The following USP6NL variants were observed in gnomAD, a reference collection of about 807,000 sequenced individuals.
USP6NL encodes USP6 N-terminal like.
Under a neutral mutation model 61.9 loss-of-function variants are expected in USP6NL, and 26 were observed. That is an observed-to-expected ratio of 0.42 (90% CI 0.31 to 0.58). The LOEUF (loss-of-function observed/expected upper bound fraction) is 0.58. USP6NL is among the 20% of genes least tolerant of loss of function. USP6NL has a pLI of 0.16. For missense variants in USP6NL, 1,114 were observed against 1,034.3 expected (o/e 1.08, Z -1.06); for synonymous variants, 432 against 390.1 (o/e 1.11, Z -1.27).
At position 11,595,313 on chromosome 10, in the gene USP6NL, G is replaced by A. The variant is rs1001191122; in HGVS notation, c.4+2318C>T. The stretch of plus-strand genomic sequence containing the variant: ...CCAGGGCAGGACAGAGCAGCAGGAA[G>A]TTTTGTCCTATGGGGAAAACTGTAA... On this transcript the variant is annotated intron_variant, in intron 2 of 14. Transcript: ENST00000609104. This position sits in a 1 kb window ranked among gnomAD's most constrained non-coding sequence, Gnocchi z 5.3. Among the ~76,000 whole-genome samples, 1 of 152,344 alleles carries A rather than the reference G, an allele frequency of 6.6e-6. No individual in the cohort carries two copies. Among genetic ancestry groups the A allele is most frequent in the South Asian group, 2.1e-4 (1 of 4,822 alleles).
chr10:11,469,121 C>T (rs1173691933), intron 14 of USP6NL, among the ~76,000 whole-genome samples: 1 of 152,146 alleles, frequency 6.6e-6, no homozygotes, highest in Non-Finnish European at 1.5e-5. Context: ...ATTGAATGGA[C>T]AAGAGGCCAA....
At chr10:11,584,378 G>A (rs1837895787) in intron 2 of USP6NL, among the ~76,000 whole-genome samples, 1 of 152,154 alleles carries the variant, frequency 6.6e-6, no homozygotes, top group Admixed American at 6.5e-5. Flanking sequence ...TATAAACACA[G>A]ACGTCCCTCT....
At chr10:11,539,023 C>T (rs1206272537) in intron 2 of USP6NL, among the ~76,000 whole-genome samples, 3 of 152,154 alleles carry the variant, frequency 2.0e-5, no homozygotes, top group Admixed American at 6.5e-5. Flanking sequence ...GGAAATGCAG[C>T]GAGGGCAGCG....
chr10:11,611,477 C>T lies in USP6NL; in HGVS notation c.-118G>A. 6.4e-6 allele frequency: 1 copy of T among 156,334 alleles called. No homozygotes were observed. The highest frequency in any genetic ancestry group is 1.8e-4 in the South Asian group (1 of 5,668). 9.7% of individuals were successfully genotyped at this position (156,334 alleles called of 1,614,324 possible). A position where few individuals can be genotyped will look rare whatever the true frequency, so the allele number is the denominator to read the frequency against. Reference sequence around the variant, plus strand: ...GTCCCGACTGCTAGGCTGTGGGCAGCGGACAGAGCTGGCGGTCCCGGGCGG... The same window carrying T: ...GTCCCGACTGCTAGGCTGTGGGCAGTGGACAGAGCTGGCGGTCCCGGGCGG... On this transcript the variant is annotated 5_prime_UTR_variant, in exon 1 of 15. Transcript: ENST00000609104. This position sits in a 1 kb window ranked among gnomAD's most constrained non-coding sequence, Gnocchi z 5.3.
rs1836931941 is a variant in USP6NL, at chr10:11,561,589, T to C, written c.5-34022A>G. Among the ~76,000 whole-genome samples, 1 of 152,260 alleles carries C rather than the reference T, an allele frequency of 6.6e-6. No homozygotes were observed. Among genetic ancestry groups the C allele is most frequent in the Non-Finnish European group, 1.5e-5 (1 of 68,048 alleles). On this transcript the variant is annotated intron_variant, in intron 2 of 14. Coordinates refer to ENST00000609104, the MANE Select transcript of USP6NL (RefSeq NM_014688.5). The surrounding 1 kb of genome is among the most constrained non-coding windows in gnomAD (Gnocchi z 4.1). ...TCTTCTTAATACTATTGTACTTCAC[T>C]ATATGGATTTGCCATAATGCACTAA...
chr10:11,574,180 C>G lies in USP6NL; in HGVS notation c.4+23451G>C, dbSNP rs1054727405. 2.0e-5 allele frequency among the ~76,000 whole-genome samples: 3 copies of G among 152,112 alleles called. No homozygotes were observed. Among genetic ancestry groups the G allele is most frequent in the Non-Finnish European group, 4.4e-5 (3 of 68,010 alleles). On this transcript the variant is annotated intron_variant, in intron 2 of 14. Transcript: ENST00000609104. This position sits in a 1 kb window ranked among gnomAD's most constrained non-coding sequence, Gnocchi z 4.3. ...TACTTTTTTCCAATTTCTCAAAAAC[C>G]TTGTATTTGAAACGGAAAATAAAAT... is the stretch of plus-strand genomic sequence containing the variant.
At position 11,589,987 on chromosome 10, in the gene USP6NL, A is replaced by G. The variant is rs1838108614; in HGVS notation, c.4+7644T>C. ...CAACGGCCATTATCTCTGAACATGA[A>G]TAAGAATAACCCATAGGAGAAGTTT... is the stretch of plus-strand genomic sequence containing the variant. On this transcript the variant is annotated intron_variant, in intron 2 of 14. Transcript: ENST00000609104. This position sits in a 1 kb window ranked among gnomAD's most constrained non-coding sequence, Gnocchi z 4.7. 6.6e-6 allele frequency among the ~76,000 whole-genome samples: 1 copy of G among 152,204 alleles called. No individual in the cohort carries two copies. The highest frequency in any genetic ancestry group is 1.5e-5 in the Non-Finnish European group (1 of 68,038).
At chr10:11,471,753 A>T (rs950127733) in intron 14 of USP6NL, among the ~76,000 whole-genome samples, 6 of 146,940 alleles carry the variant, frequency 4.1e-5, no homozygotes, top group Non-Finnish European at 7.5e-5. Context: ...GCATGTTCTC[A>T]CTCACAGGTG....
chr10:11,608,655 G>T (rs569462771), intron 1 of USP6NL, among the ~76,000 whole-genome samples: 1 of 152,112 alleles, frequency 6.6e-6, no homozygotes, highest in Non-Finnish European at 1.5e-5. Flanking sequence ...ATAGCTCCCT[G>T]TACTTCACAT....
intron 2 of USP6NL, among the ~76,000 whole-genome samples, chr10:11,576,794 C>G (rs1837561932): frequency 6.6e-6 from 1 of 152,172 alleles, no homozygotes; most frequent in Non-Finnish European, 1.5e-5. Context: ...AAAAATCCTC[C>G]CTCTCTGATA....
At chr10:11,605,994 C>A (rs1371851700) in intron 1 of USP6NL, among the ~76,000 whole-genome samples, 1 of 152,064 alleles carries the variant, frequency 6.6e-6, no homozygotes, top group Non-Finnish European at 1.5e-5. Flanking sequence ...TGACGAAAGA[C>A]ATCAAGTCAC....
rs920380774 is a variant in USP6NL, at chr10:11,468,075, T to C, written c.1079-4226A>G. On this transcript the variant is annotated intron_variant, in intron 14 of 14. Coordinates refer to ENST00000609104, the MANE Select transcript of USP6NL (RefSeq NM_014688.5). The surrounding 1 kb of genome is among the most constrained non-coding windows in gnomAD (Gnocchi z 4.5). ...TCAGATTAATCAAGTATGGCATCGC[T>C]TGATGGAGTCATGATGAGTGATCAC... 1.4e-4 allele frequency among the ~76,000 whole-genome samples: 21 copies of C among 152,256 alleles called. No homozygotes were observed. The highest frequency in any genetic ancestry group is 4.8e-4 in the African/African-American group (20 of 41,468).
In USP6NL at chr10:11,591,758, A is replaced by G. The variant is rs1838163670; in HGVS notation, c.4+5873T>C. Among the ~76,000 whole-genome samples the G allele has an allele frequency of 6.6e-6, 1 of 152,220 alleles. No individual in the cohort carries two copies. The highest frequency in any genetic ancestry group is 1.5e-5 in the Non-Finnish European group (1 of 68,040). ...TTTCTTGTTGTAAGTTTGAAAAAAT[A>G]TCAAAAGAAAATATATAAGAAAAGA... On this transcript the variant is annotated intron_variant, in intron 2 of 14. Coordinates refer to ENST00000609104, the MANE Select transcript of USP6NL (RefSeq NM_014688.5). The surrounding 1 kb of genome is among the most constrained non-coding windows in gnomAD (Gnocchi z 4.7).
At chr10:11,502,187 A>T (rs1342153417) in intron 6 of USP6NL, among the ~76,000 whole-genome samples, 2 of 150,860 alleles carry the variant, frequency 1.3e-5, no homozygotes, top group Non-Finnish European at 2.9e-5. Flanking sequence ...TGAACCCGGG[A>T]GGCAGAGCTT....
chr10:11,596,522 G>A lies in USP6NL; in HGVS notation c.4+1109C>T, dbSNP rs1588421456. Among the ~76,000 whole-genome samples, 1 of 151,992 alleles carries A rather than the reference G, an allele frequency of 6.6e-6. No homozygotes were observed. The highest frequency in any genetic ancestry group is 1.5e-5 in the Non-Finnish European group (1 of 68,000). ...GCCTGTAGTCCCAGCTACTCGGGAG[G>A]CTGAGGCAGGAGAATGGCGCGAACC... On this transcript the variant is annotated intron_variant, in intron 2 of 14. Coordinates refer to ENST00000609104, the MANE Select transcript of USP6NL (RefSeq NM_014688.5). This position sits in a 1 kb window ranked among gnomAD's most constrained non-coding sequence, Gnocchi z 4.1.
At position 11,601,163 on chromosome 10, in the gene USP6NL, A is replaced by G. The variant is rs543383446; in HGVS notation, c.-83-3446T>C. ...ATGTTTATATAATCAAGTACTATGA[A>G]GCAGTGAAATGAATGAACTATGGGT... On this transcript the variant is annotated intron_variant, in intron 1 of 14. Coordinates refer to ENST00000609104, the MANE Select transcript of USP6NL (RefSeq NM_014688.5). 2.0e-5 allele frequency among the ~76,000 whole-genome samples: 3 copies of G among 152,346 alleles called. No individual in the cohort carries two copies. The South Asian group carries it at 6.2e-4, about 32-fold the overall frequency.
Position 11,518,500 on chromosome 10 carries a change from C to A in USP6NL, c.195+35G>T. 2 of 1,594,192 alleles carry A rather than the reference C, an allele frequency of 1.3e-6. No homozygotes were observed. The highest frequency in any genetic ancestry group is 1.7e-6 in the Non-Finnish European group (2 of 1,164,906). On this transcript the variant is annotated intron_variant, in intron 5 of 14. Coordinates refer to ENST00000609104, the MANE Select transcript of USP6NL (RefSeq NM_014688.5). This position sits in a 1 kb window ranked among gnomAD's most constrained non-coding sequence, Gnocchi z 5.3. ...TTATTCTTCTAATAAAGGCAATTCA[C>A]CAGTAACTGTAAATACATCAAGAGC...
At chr10:11,516,705 A>C (rs961208700) in intron 5 of USP6NL, among the ~76,000 whole-genome samples, 1 of 152,236 alleles carries the variant, frequency 6.6e-6, no homozygotes, top group Non-Finnish European at 1.5e-5. Context: ...AAGTGAATAT[A>C]AAGTTATATC....
intron 2 of USP6NL, among the ~76,000 whole-genome samples, chr10:11,594,887 G>A (rs551525164): frequency 5.4e-4 from 82 of 152,316 alleles, no homozygotes; most frequent in Non-Finnish European, 5.3e-4. Flanking sequence ...ACACAGATTA[G>A]AGAAACATAC....
Sources: gnomAD v4.1 joint callset for allele counts (sites outside exome capture counted in the v4.1 genomes callset) on GRCh38, gnomAD v4.1.1 for gene constraint, Gnocchi (gnomAD v3.1) non-coding constraint, MANE v1.5 for transcripts, NCBI Gene and HGNC (gene_info 2026-07-23, HGNC 2026-07-21) for gene names.